ADGRV1: variants seen among roughly 807,000 people sequenced by gnomAD.
The protein encoded by ADGRV1 is G-protein coupled receptor 98.
A neutral mutation model predicts 596.2 loss-of-function variants in ADGRV1; 359 were observed. The observed-to-expected ratio is 0.60, with a 90% CI of 0.55 to 0.66. ADGRV1 has a LOEUF of 0.66. Ranked by LOEUF, ADGRV1 falls within the 30% of genes least tolerant of loss-of-function variation. The probability of loss-of-function intolerance (pLI) is 0.00; values close to 1 mark genes in which losing one functional copy is unlikely to be tolerated. For synonymous variants in ADGRV1, 2,681 were observed against 2,679.2 expected (o/e 1.00, Z -0.02); for missense variants, 7,274 against 7,575.6 (o/e 0.96, Z 1.48).
chr5:90,567,455 G>A (rs1367260786), intron 1 of ADGRV1, among the ~76,000 whole-genome samples: 1 of 152,026 alleles, frequency 6.6e-6, no homozygotes, highest in East Asian at 1.9e-4. Context: ...TTTCTTCATG[G>A]TAAGTTTTGC....
intron 17 of ADGRV1, among the ~76,000 whole-genome samples, chr5:90,648,111 A>T (rs2149448427): frequency 6.6e-6 from 1 of 152,322 alleles, no homozygotes; most frequent in East Asian, 1.9e-4. Context: ...CTTAAGGGAT[A>T]GGTATCCTGT....
chr5:90,606,031 C>T (rs10514330), intron 1 of ADGRV1, among the ~76,000 whole-genome samples: 10,816 of 152,212 alleles, frequency 0.071, 452 homozygotes, highest in Non-Finnish European at 0.093. Flanking sequence ...CAATGGTAAA[C>T]AATTGTTGAT....
At chr5:91,098,185 AT>A (rs1316913229) in intron 86 of ADGRV1, among the ~76,000 whole-genome samples, 26 of 152,354 alleles carry the variant, frequency 1.7e-4, no homozygotes, top group African/African-American at 4.8e-4. Context: ...CTTAGGAAAT[AT>A]AAAACCAAAG....
intron 85 of ADGRV1, among the ~76,000 whole-genome samples, chr5:91,036,404 A>G (rs1784912115): frequency 6.6e-6 from 1 of 150,566 alleles, no homozygotes; most frequent in African/African-American, 2.4e-5. Context: ...CTAAAAATAC[A>G]AAAAAAAATT....
chr5:91,049,151 T>C (rs1226616488), intron 85 of ADGRV1, among the ~76,000 whole-genome samples: 1 of 152,220 alleles, frequency 6.6e-6, no homozygotes, highest in African/African-American at 2.4e-5. Context: ...AGTGATATGG[T>C]TTAAAGATTT....
At chr5:91,009,897 T>G (rs1207670262) in intron 85 of ADGRV1, among the ~76,000 whole-genome samples, 1 of 152,044 alleles carries the variant, frequency 6.6e-6, no homozygotes, top group Non-Finnish European at 1.5e-5. Context: ...TTTCAATAAA[T>G]TAAGGATAGT....
intron 83 of ADGRV1, among the ~76,000 whole-genome samples, chr5:90,940,590 T>C (rs1168405863): frequency 6.6e-6 from 1 of 152,144 alleles, no homozygotes; most frequent in Non-Finnish European, 1.5e-5. Flanking sequence ...AATAATAAAT[T>C]ATTGAGTGAT....
At chr5:91,065,896 G>A (rs180769611) in intron 85 of ADGRV1, among the ~76,000 whole-genome samples, 1 of 152,284 alleles carries the variant, frequency 6.6e-6, no homozygotes, top group East Asian at 1.9e-4. Context: ...AGACTTTGAA[G>A]TGAATTAGAA....
chr5:91,082,414 T>C (rs1288433257), intron 86 of ADGRV1, among the ~76,000 whole-genome samples: 1 of 152,068 alleles, frequency 6.6e-6, no homozygotes, highest in Non-Finnish European at 1.5e-5. Flanking sequence ...GCAGCTTCAA[T>C]CTCCTGGGCT....
intron 53 of ADGRV1, among the ~76,000 whole-genome samples, chr5:90,753,103 C>T (rs1353984323): frequency 6.6e-6 from 1 of 152,168 alleles, no homozygotes; most frequent in Non-Finnish European, 1.5e-5. Context: ...GTATCTCTCC[C>T]TATCTTTCTC....
chr5:90,961,222 C>T (rs780768967), intron 83 of ADGRV1, among the ~76,000 whole-genome samples: 4 of 151,994 alleles, frequency 2.6e-5, no homozygotes, highest in Non-Finnish European at 5.9e-5. Context: ...TAGTTTTGGC[C>T]GCGCGCAGCG....
chr5:90,754,702 G>C (rs532051703), intron 54 of ADGRV1, among the ~76,000 whole-genome samples: 14 of 152,186 alleles, frequency 9.2e-5, no homozygotes, highest in Admixed American at 9.2e-4. Flanking sequence ...TTCTGTTAAA[G>C]TGTATGACAT....
Position 90,644,366 on chromosome 5 carries a change from G to A in ADGRV1, c.2735-340G>A, listed in dbSNP as rs538810612. On this transcript the variant is annotated intron_variant, in intron 14 of 89. Transcript: ENST00000405460. ...CTGTCTGGATAAGGAAATCACACTT[G>A]AGCATGCAGCTTCCTGTAACTGCTT... 7.9e-5 allele frequency among the ~76,000 whole-genome samples: 12 copies of A among 152,258 alleles called. No individual in the cohort carries two copies. The Middle Eastern group carries it at 0.01, about 129-fold the overall frequency.
chr5:90,797,708 A>G (rs1419682994), intron 70 of ADGRV1, among the ~76,000 whole-genome samples: 2 of 152,246 alleles, frequency 1.3e-5, no homozygotes, highest in African/African-American at 4.8e-5. Flanking sequence ...TTATTCTAAA[A>G]TTGACCACAT....
chr5:91,043,383 T>C (rs1452022516), intron 85 of ADGRV1, among the ~76,000 whole-genome samples: 1 of 152,154 alleles, frequency 6.6e-6, no homozygotes, highest in Non-Finnish European at 1.5e-5. Flanking sequence ...GTGATACTCT[T>C]CGGGGCTCTA....
chr5:91,035,871 A>AATATATG (rs1784866165), intron 85 of ADGRV1, among the ~76,000 whole-genome samples: 2 of 129,960 alleles, frequency 1.5e-5, no homozygotes, highest in Non-Finnish European at 3.3e-5. Flanking sequence ...TTATATATAT[A>AATATATG]TATATATATA....
At chr5:90,712,143 A>G (rs773089696) in intron 41 of ADGRV1, 144 bp from the exon 42 acceptor site, 11 of 518,266 alleles carry the variant, frequency 2.1e-5, no homozygotes, top group South Asian at 1.4e-4. Context: ...AAAAAGATAT[A>G]AACCAAAATA....
At chr5:91,048,725 C>A (rs896396053) in intron 85 of ADGRV1, among the ~76,000 whole-genome samples, 1 of 152,234 alleles carries the variant, frequency 6.6e-6, no homozygotes, top group Non-Finnish European at 1.5e-5. Flanking sequence ...CGTAGTTTCA[C>A]AAGTTGCTCT....
intron 83 of ADGRV1, among the ~76,000 whole-genome samples, chr5:90,924,391 A>G (rs190870291): frequency 6.6e-6 from 1 of 151,836 alleles, no homozygotes; most frequent in African/African-American, 2.4e-5. Context: ...GTGATGACGA[A>G]CATTTTTTCA....
Sources: allele counts gnomAD v4.1 joint callset (sites outside exome capture counted in the v4.1 genomes callset), GRCh38; gene constraint gnomAD v4.1.1; transcripts MANE v1.5; gene names NCBI Gene and HGNC (gene_info 2026-07-23, HGNC 2026-07-21).